OPCML: variants seen among roughly 807,000 people sequenced by gnomAD.
OPCML encodes the protein opioid-binding protein/cell adhesion molecule.
A neutral mutation model predicts 37.8 loss-of-function variants in OPCML; 13 were observed. That is an observed-to-expected ratio of 0.34 (90% CI 0.22 to 0.55). The LOEUF is 0.55. Ranked by LOEUF, OPCML falls within the 20% of genes least tolerant of loss-of-function variation. OPCML has a pLI of 0.91. For synonymous variants in OPCML, 176 were observed against 168.8 expected (o/e 1.04, Z -0.33); for missense variants, 341 against 435.6 (o/e 0.78, Z 1.93).
chr11:133,138,268 G>A (rs1949720750), intron 1 of OPCML, among the ~76,000 whole-genome samples: 2 of 152,166 alleles, frequency 1.3e-5, no homozygotes, highest in Non-Finnish European at 2.9e-5. Flanking sequence ...AGATGCCAGT[G>A]CCATATTCTT....
At chr11:133,222,711 T>G (rs1037052634) in intron 1 of OPCML, among the ~76,000 whole-genome samples, 2 of 152,072 alleles carry the variant, frequency 1.3e-5, no homozygotes, top group African/African-American at 4.8e-5. Flanking sequence ...CATAATTTAT[T>G]TTGGACATTT....
intron 1 of OPCML, among the ~76,000 whole-genome samples, chr11:133,324,033 G>A (rs1254585151): frequency 6.6e-6 from 1 of 152,166 alleles, no homozygotes; most frequent in African/African-American, 2.4e-5. Flanking sequence ...AAAAAGCCCT[G>A]GCAGTAATTA....
chr11:132,689,393 G>A (rs1353726913), intron 2 of OPCML, among the ~76,000 whole-genome samples: 1 of 152,146 alleles, frequency 6.6e-6, no homozygotes, highest in Non-Finnish European at 1.5e-5. Flanking sequence ...GTTTTGTTCT[G>A]AGGAATAGGG....
chr11:133,241,841 C>T (rs1940743268), intron 1 of OPCML, among the ~76,000 whole-genome samples: 2 of 152,230 alleles, frequency 1.3e-5, no homozygotes. Context: ...AACTTCCACG[C>T]TTCCACGCAT....
intron 1 of OPCML, among the ~76,000 whole-genome samples, chr11:133,494,233 C>G (rs1000684182): frequency 1.2e-3 from 187 of 152,034 alleles, no homozygotes; most frequent in African/African-American, 3.5e-3. Flanking sequence ...AGGTGCTGGA[C>G]AGGATGTGGA....
intron 1 of OPCML, chr11:133,003,661 A>G (rs1328360438): frequency 3.0e-6 from 3 of 985,436 alleles, no homozygotes; most frequent in Non-Finnish European, 3.6e-6. Context: ...ACATACTAAA[A>G]AAACAAACAA....
rs1349292804 is a variant in OPCML, at chr11:132,560,075, CT to C, written c.380-30890del. Among the ~76,000 whole-genome samples the C allele has an allele frequency of 3.9e-5, 6 of 152,166 alleles. No individual in the cohort carries two copies. The South Asian group carries it at 1.2e-3, about 32-fold the overall frequency. The stretch of plus-strand genomic sequence containing the variant: ...AAATATAGATTTGAATCAATTGATA[CT>C]TTGTATGTGCCTATTGTGGGAAATG... On this transcript the variant is annotated intron_variant, in intron 3 of 7. Transcript: ENST00000524381.
chr11:132,448,980 A>G (rs2096062124), intron 4 of OPCML, among the ~76,000 whole-genome samples: 1 of 152,222 alleles, frequency 6.6e-6, no homozygotes, highest in Non-Finnish European at 1.5e-5. Flanking sequence ...AGGAACCCAA[A>G]TAATTCCTTA....
chr11:133,094,069 A>T (rs1948958819), intron 1 of OPCML, among the ~76,000 whole-genome samples: 1 of 152,112 alleles, frequency 6.6e-6, no homozygotes. Flanking sequence ...TTTTAATGGC[A>T]TTATTCTACT....
intron 1 of OPCML, among the ~76,000 whole-genome samples, chr11:133,372,150 A>G (rs1025694784): frequency 6.6e-6 from 1 of 152,224 alleles, no homozygotes; most frequent in African/African-American, 2.4e-5. Flanking sequence ...AATGCATTGT[A>G]TATTTCAAAG....
intron 1 of OPCML, chr11:133,068,015 T>G (rs2137003367): frequency 6.6e-6 from 1 of 152,382 alleles, no homozygotes; most frequent in Non-Finnish European, 1.5e-5. Context: ...TGTTTTATTT[T>G]AAATTTTAAC....
chr11:133,252,754 T>G (rs560299058), intron 1 of OPCML, among the ~76,000 whole-genome samples: 20 of 152,292 alleles, frequency 1.3e-4, no homozygotes, highest in African/African-American at 4.8e-4. Flanking sequence ...CTCATTCTGC[T>G]TCCCAAGTAG....
chr11:133,186,998 A>G (rs1379507890), intron 1 of OPCML, among the ~76,000 whole-genome samples: 1 of 152,168 alleles, frequency 6.6e-6, no homozygotes, highest in Non-Finnish European at 1.5e-5. Flanking sequence ...GTGTGTGTAG[A>G]GGACAAGGTC....
chr11:133,174,639 GAAAA>G lies in OPCML; in HGVS notation c.62-231633_62-231630del, dbSNP rs34411187. Among the ~76,000 whole-genome samples, 2 of 116,796 alleles carry G rather than the reference GAAAA, an allele frequency of 1.7e-5. No homozygotes were observed. The highest frequency in any genetic ancestry group is 3.8e-5 in the Non-Finnish European group (2 of 52,466). The allele number at this position is 116,796 out of a possible 152,430, so 76.6% of individuals were successfully genotyped here. On this transcript the variant is annotated intron_variant, in intron 1 of 7. Transcript: ENST00000524381. This position sits in a 1 kb window ranked among gnomAD's most constrained non-coding sequence, Gnocchi z 4.6. Reference sequence around the variant, plus strand: ...AAATGCTCATGGAATGCTGTTTAGTGAAAAAAAAAAAAAAAAAAAGCAGGGGGAA... The same window carrying G: ...AAATGCTCATGGAATGCTGTTTAGTGAAAAAAAAAAAAAAAGCAGGGGGAA...
At chr11:132,967,893 A>T (rs1946250038) in intron 1 of OPCML, among the ~76,000 whole-genome samples, 1 of 152,158 alleles carries the variant, frequency 6.6e-6, no homozygotes, top group Non-Finnish European at 1.5e-5. Context: ...TTTTAAATTA[A>T]GGAATTAATG....
intron 2 of OPCML, among the ~76,000 whole-genome samples, chr11:132,921,780 A>T (rs1944813114): frequency 6.6e-6 from 1 of 152,232 alleles, no homozygotes; most frequent in Non-Finnish European, 1.5e-5. Flanking sequence ...TCTTGTAGCC[A>T]TAAAAGGTGC....
chr11:133,232,024 C>T (rs150969599), intron 1 of OPCML, among the ~76,000 whole-genome samples: 10 of 152,074 alleles, frequency 6.6e-5, no homozygotes, highest in South Asian at 2.1e-4. Context: ...TCAGGAAGGA[C>T]GAGGGAGAGG....
intron 2 of OPCML, among the ~76,000 whole-genome samples, chr11:132,832,048 G>A (rs1241170659): frequency 6.6e-6 from 1 of 151,832 alleles, no homozygotes; most frequent in Non-Finnish European, 1.5e-5. Context: ...TTTGCTGCAT[G>A]ACAACTCTGG....
intron 1 of OPCML, among the ~76,000 whole-genome samples, chr11:133,080,194 C>T (rs1156968478): frequency 6.6e-6 from 1 of 152,162 alleles, no homozygotes; most frequent in Non-Finnish European, 1.5e-5. Context: ...ATAGACCTGA[C>T]CTGGAATCAA....
Sources: allele counts gnomAD v4.1 joint callset (sites outside exome capture counted in the v4.1 genomes callset), GRCh38; gene constraint gnomAD v4.1.1; non-coding constraint Gnocchi (gnomAD v3.1); transcripts MANE v1.5; gene names NCBI Gene and HGNC (gene_info 2026-07-23, HGNC 2026-07-21).